The following MTCL1 variants were observed in gnomAD, a reference collection of about 807,000 sequenced individuals.
The protein encoded by MTCL1 is microtubule crosslinking factor 1, also known as microtubule cross-linking factor 1.
MTCL1 carries 79 observed loss-of-function variants against 141.4 expected under a neutral mutation model. The observed-to-expected ratio is 0.56, with a 90% CI of 0.47 to 0.67. MTCL1 has a LOEUF of 0.67. Ranked by LOEUF, MTCL1 falls within the 30% of genes least tolerant of loss-of-function variation. MTCL1 has a pLI of 0.00. For synonymous variants in MTCL1, 914 were observed against 875.8 expected (o/e 1.04, Z -0.77); for missense variants, 2,177 against 2,113.9 (o/e 1.03, Z -0.59).
At chr18:8,812,669 G>A (rs1321859080) in intron 11 of MTCL1, among the ~76,000 whole-genome samples, 1 of 152,196 alleles carries the variant, frequency 6.6e-6, no homozygotes, top group Non-Finnish European at 1.5e-5. Flanking sequence ...AGGATATAGG[G>A]ACGGACATGG....
intron 7 of MTCL1, 111 bp from the exon 7 acceptor site, chr18:8,792,887 T>A (rs903106814): frequency 2.1e-6 from 3 of 1,438,664 alleles, no homozygotes; most frequent in Non-Finnish European, 2.8e-6. Context: ...TGCCCACACA[T>A]GCTGTGTCGC....
At chr18:8,776,430 A>C (rs1305452639) in intron 4 of MTCL1, among the ~76,000 whole-genome samples, 1 of 152,124 alleles carries the variant, frequency 6.6e-6, no homozygotes, top group Non-Finnish European at 1.5e-5. Flanking sequence ...TGTTGCAGAC[A>C]CCTCTAGGCC....
chr18:8,792,155 G>T (rs2075751766), intron 7 of MTCL1, among the ~76,000 whole-genome samples: 1 of 152,224 alleles, frequency 6.6e-6, no homozygotes, highest in African/African-American at 2.4e-5. Flanking sequence ...ATTCCCAGTT[G>T]TATAAATCAC....
intron 4 of MTCL1, among the ~76,000 whole-genome samples, chr18:8,767,226 T>A (rs1363203324): frequency 3.3e-5 from 5 of 152,188 alleles, no homozygotes. Flanking sequence ...TGCCAGTGCT[T>A]GGAGATGAGA....
Position 8,805,842 on chromosome 18 carries a change from C to T in MTCL1, c.2437-1051C>T, listed in dbSNP as rs913060148. Among the ~76,000 whole-genome samples the T allele has an allele frequency of 1.4e-4, 22 of 152,232 alleles. 2 individuals carry two copies. The highest frequency in any genetic ancestry group is 9.8e-4 in the Admixed American group (15 of 15,282). ...GTGCTGGTTGGAAGAGATGGGCTCA[C>T]GAGGCTTTTATTATCAAGGTACCAT... On this transcript the variant is annotated intron_variant, in intron 10 of 16. Transcript: ENST00000359865.
At chr18:8,756,543 G>GTATATATATGTATATATATA (rs1555641161) in intron 4 of MTCL1, among the ~76,000 whole-genome samples, 1 of 144,884 alleles carries the variant, frequency 6.9e-6, no homozygotes, top group African/African-American at 2.9e-5. Flanking sequence ...GTATATATGT[G>GTATATATATGTATATATATA]TATATATATG....
chr18:8,706,742 C>T (rs1006987275), intron 1 of MTCL1, 29 bp downstream of exon 1: 49 of 1,542,288 alleles, frequency 3.2e-5, no homozygotes, highest in Non-Finnish European at 4.1e-5. Flanking sequence ...GCAGGTGTCC[C>T]GGGGCGCCCC....
chr18:8,736,488 G>A (rs1179864264), intron 4 of MTCL1, among the ~76,000 whole-genome samples: 1 of 152,144 alleles, frequency 6.6e-6, no homozygotes, highest in Non-Finnish European at 1.5e-5. Flanking sequence ...ATAATAAAGT[G>A]TTGAGTGTCT....
rs1354690218 is a variant in MTCL1, at chr18:8,819,059, A to T, written c.2956A>T (p.Met986Leu). 10 of 1,614,254 alleles carry T rather than the reference A, an allele frequency of 6.2e-6. No individual in the cohort carries two copies. The South Asian group carries it at 1.1e-4, about 18-fold the overall frequency. Reference sequence around the variant, plus strand: ...CTTTCCCCACCAGGGAAGCCTCCGCATGCCCCGTCCAGTGGCCATGTGGCC... The same window carrying T: ...CTTTCCCCACCAGGGAAGCCTCCGCTTGCCCCGTCCAGTGGCCATGTGGCC... The change falls in exon 13 of 17, where the codon ATG becomes TTG. Residue 986 changes from methionine to leucine, a missense_variant. Transcript: ENST00000359865.
At position 8,828,875 on chromosome 18, in the gene MTCL1, C is replaced by T. The variant is rs1156326595; in HGVS notation, c.4723-33C>T. ...TAAAAAACACTTTCCAACCTTCTTG[C>T]TTTTCTTTTCTTTCTCTGTCTGTTC... On this transcript the variant is annotated intron_variant, in intron 15 of 16. Transcript: ENST00000359865. This position sits in a 1 kb window ranked among gnomAD's most constrained non-coding sequence, Gnocchi z 5.2. 6.2e-7 allele frequency: 1 copy of T among 1,600,650 alleles called. No homozygotes were observed.
chr18:8,709,191 T>C (rs967936766), intron 1 of MTCL1, among the ~76,000 whole-genome samples: 4 of 131,682 alleles, frequency 3.0e-5, no homozygotes, highest in Admixed American at 7.8e-5. Context: ...ATTTTTTCCG[T>C]TTTTTGTGGT....
intron 7 of MTCL1, 32 bp downstream of exon 6, chr18:8,786,123 C>T (rs762694476): frequency 5.1e-6 from 6 of 1,173,534 alleles, no homozygotes; most frequent in South Asian, 2.6e-5. Flanking sequence ...CCCCCCCCCG[C>T]CCTCCCCCTC....
intron 4 of MTCL1, among the ~76,000 whole-genome samples, chr18:8,748,684 T>G (rs2096354679): frequency 6.6e-6 from 1 of 152,136 alleles, no homozygotes; most frequent in Non-Finnish European, 1.5e-5. Context: ...TTCTGAAGAC[T>G]CTACATGTGT....
Position 8,749,450 on chromosome 18 carries a change from G to C in MTCL1, c.358-28383G>C, listed in dbSNP as rs575738305. The stretch of plus-strand genomic sequence containing the variant: ...TCAGGGTGTTCGATGCACTCTGAAG[G>C]CAGAGGGTGCTGTGGTTGAAAAACC... On this transcript the variant is annotated intron_variant, in intron 4 of 16. Transcript: ENST00000359865. Among the ~76,000 whole-genome samples the C allele has an allele frequency of 1.8e-3, 279 of 152,366 alleles. 2 individuals are homozygous for C. The highest frequency in any genetic ancestry group is 6.3e-3 in the African/African-American group (264 of 41,596).
chr18:8,748,669 A>G (rs1014436766), intron 4 of MTCL1, among the ~76,000 whole-genome samples: 2 of 152,170 alleles, frequency 1.3e-5, no homozygotes, highest in Non-Finnish European at 1.5e-5. Flanking sequence ...ATATATGTAA[A>G]TAAATTCTGA....
exon 6 of MTCL1, chr18:8,783,878 G>T: frequency 6.2e-7 from 1 of 1,613,152 alleles, no homozygotes; most frequent in Non-Finnish European, 8.5e-7. Context: ...TCGGGACCAC[G>T]CACCCAGCAT....
intron 7 of MTCL1, 28 bp downstream of exon 6, chr18:8,786,119 C>CTCCA (rs1555656000): frequency 4.9e-6 from 7 of 1,431,246 alleles, no homozygotes; most frequent in Non-Finnish European, 6.5e-6. Context: ...ATCCCCCCCC[C>CTCCA]CCGCCCTCCC....
chr18:8,786,121 C>CA, intron 7 of MTCL1, 30 bp downstream of exon 6: 4 of 1,469,514 alleles, frequency 2.7e-6, no homozygotes, highest in South Asian at 1.2e-5. Context: ...CCCCCCCCCC[C>CA]GCCCTCCCCC....
At chr18:8,776,096 G>A (rs1342290326) in intron 4 of MTCL1, among the ~76,000 whole-genome samples, 1 of 152,182 alleles carries the variant, frequency 6.6e-6, no homozygotes, top group Non-Finnish European at 1.5e-5. Flanking sequence ...TACAGGGTGG[G>A]CACCCAGGAA....
Sources: gnomAD v4.1 joint callset for allele counts (sites outside exome capture counted in the v4.1 genomes callset) on GRCh38, gnomAD v4.1.1 for gene constraint, Gnocchi (gnomAD v3.1) non-coding constraint, MANE v1.5 for transcripts, NCBI Gene and HGNC (gene_info 2026-07-23, HGNC 2026-07-21) for gene names.